Variants in KAT7 observed in about 807,000 individuals in gnomAD.
KAT7 encodes lysine acetyltransferase 7.
In KAT7, 10 loss-of-function variants were observed where a neutral mutation model predicts 82.1. The ratio of observed to expected loss-of-function variants is 0.12; its 90% confidence interval spans 0.08 to 0.21. The LOEUF is 0.21. Ranked by LOEUF, KAT7 falls within the 10% of genes least tolerant of loss-of-function variation. The pLI is 1.00. For synonymous variants in KAT7, 250 were observed against 262.5 expected, an observed-to-expected ratio of 0.95 and a Z score of 0.46; for missense variants, 378 against 760.9, an observed-to-expected ratio of 0.50 and a Z score of 5.92.
At chr17:49,811,634 T>G in intron 7 of KAT7, 60 bp downstream of exon 7, 1 of 858,680 alleles carries the variant, frequency 1.2e-6, no homozygotes, top group East Asian at 2.9e-5. Flanking sequence ...TGATTCCTTT[T>G]GCTTTCTGAG....
chr17:49,826,980 T>G, intron 14 of KAT7, 181 bp downstream of exon 14: 1 of 509,432 alleles, frequency 2.0e-6, no homozygotes, highest in Non-Finnish European at 3.6e-6. Flanking sequence ...TATCAGAAGG[T>G]TTTGATAAGC....
At chr17:49,807,190 C>G (rs2074102015) in intron 5 of KAT7, among the ~76,000 whole-genome samples, 1 of 152,072 alleles carries the variant, frequency 6.6e-6, no homozygotes, top group Non-Finnish European at 1.5e-5. Flanking sequence ...CATAAACCTT[C>G]AAATTAATAA....
In KAT7 at chr17:49,829,043, G is replaced by A. The variant is rs1380199483; in HGVS notation, c.*1541G>A. 6.6e-6 allele frequency: 1 copy of A among 152,614 alleles called. No individual in the cohort carries two copies. Among genetic ancestry groups the A allele is most frequent in the African/African-American group, 2.4e-5 (1 of 41,430 alleles). The allele number at this position is 152,614 out of a possible 1,614,324, so 9.5% of individuals were successfully genotyped here. A position where few individuals can be genotyped will look rare whatever the true frequency, so the allele number is the denominator to read the frequency against. On this transcript the variant is annotated 3_prime_UTR_variant, in exon 15 of 15. Coordinates refer to ENST00000259021, the MANE Select transcript of KAT7 (RefSeq NM_007067.5). ...AGAAGCTAAACCCTTCCCCACATGT[G>A]GTAGAATGTGCTCTTCTATATCTAC...
intron 4 of KAT7, among the ~76,000 whole-genome samples, chr17:49,801,291 C>T (rs1014531408): frequency 1.3e-5 from 2 of 152,152 alleles, no homozygotes; most frequent in Non-Finnish European, 1.5e-5. Flanking sequence ...TCAAGTGATT[C>T]TCATGCGTCA....
chr17:49,825,848 C>G (rs1403405885), intron 12 of KAT7, 152 bp from the exon 13 acceptor site: 1 of 712,872 alleles, frequency 1.4e-6, no homozygotes, highest in African/African-American at 1.8e-5. Context: ...AGGCAGTATA[C>G]TATAGTTAAC....
chr17:49,814,393 C>A (rs1217900216), intron 7 of KAT7, among the ~76,000 whole-genome samples: 1 of 152,140 alleles, frequency 6.6e-6, no homozygotes, highest in African/African-American at 2.4e-5. Context: ...TTCACTGTTT[C>A]CATCTGCAAA....
chr17:49,809,095 T>C, intron 5 of KAT7, 24 bp from the exon 6 acceptor site: 1 of 1,590,268 alleles, frequency 6.3e-7, no homozygotes, highest in Non-Finnish European at 8.6e-7. Flanking sequence ...CAGGTGGATT[T>C]ATTGACGTTG....
intron 13 of KAT7, 105 bp from the exon 14 acceptor site, chr17:49,826,588 A>C (rs1041177004): frequency 1.3e-6 from 1 of 743,850 alleles, no homozygotes; most frequent in South Asian, 1.5e-5. Flanking sequence ...AGTACAGAAG[A>C]TTCTGTCCAT....
intron 8 of KAT7, 129 bp downstream of exon 8, chr17:49,816,042 C>T (rs2074229853): frequency 1.6e-6 from 1 of 609,164 alleles, no homozygotes; most frequent in Non-Finnish European, 2.9e-6. Flanking sequence ...TCCCTGTCTC[C>T]CAGCTGTCCC....
At chr17:49,788,957 C>A (rs1032077042) in intron 1 of KAT7, 108 bp downstream of exon 1, 10 of 1,073,076 alleles carry the variant, frequency 9.3e-6, no homozygotes, top group Non-Finnish European at 9.1e-6. Context: ...TTCCGCTCCC[C>A]CGAACCTTGT....
rs1336919990 is a variant in KAT7 at position 49,830,982 on chromosome 17, G to T, written c.*3480G>T. ...CCAAATTAACTCATTACAGTAAAAA[G>T]GACTGATTTTTAAGCCAGCTGTGAT... On this transcript the variant is annotated 3_prime_UTR_variant, in exon 15 of 15. Coordinates refer to ENST00000259021, the MANE Select transcript of KAT7 (RefSeq NM_007067.5). The T allele has an allele frequency of 6.6e-6, 1 of 152,030 alleles. No individual in the cohort carries two copies. Among genetic ancestry groups the T allele is most frequent in the Admixed American group, 6.6e-5 (1 of 15,250 alleles). The allele number at this position is 152,030 out of a possible 1,614,324, so 9.4% of individuals were successfully genotyped here.
chr17:49,804,161 C>T (rs193044558), intron 4 of KAT7, among the ~76,000 whole-genome samples: 84 of 152,132 alleles, frequency 5.5e-4, no homozygotes, highest in Middle Eastern at 6.8e-3. Context: ...GGGCAGATCA[C>T]GAGGTCAGGA....
intron 4 of KAT7, among the ~76,000 whole-genome samples, chr17:49,799,275 A>G (rs938066991): frequency 9.8e-5 from 15 of 152,302 alleles, no homozygotes; most frequent in South Asian, 2.1e-4. Context: ...TACTGGGTCT[A>G]CTTCTCAAAT....
chr17:49,805,300 A>G (rs1444710808), intron 4 of KAT7, 63 bp from the exon 5 acceptor site: 1 of 1,157,104 alleles, frequency 8.6e-7, no homozygotes. Flanking sequence ...TTTGTCTTAG[A>G]GAAACATACT....
rs1297985509 is a variant in KAT7 at position 49,832,825 on chromosome 17, ATG to A, written c.*5326_*5327del. On this transcript the variant is annotated 3_prime_UTR_variant, in exon 15 of 15. Coordinates refer to ENST00000259021, the MANE Select transcript of KAT7 (RefSeq NM_007067.5). ...GAAAACTACTTTGCTGAATGATAGT[ATG>A]TGATGTGTGCTAGGACTTCTAGAAG... The A allele has an allele frequency of 6.6e-6, 1 of 152,250 alleles. No homozygotes were observed. The highest frequency in any genetic ancestry group is 1.5e-5 in the Non-Finnish European group (1 of 68,058). The allele number at this position is 152,250 out of a possible 1,614,324, so 9.4% of individuals were successfully genotyped here. A position where few individuals can be genotyped will look rare whatever the true frequency, so the allele number is the denominator to read the frequency against.
chr17:49,814,167 CAG>C (rs2143939882), intron 7 of KAT7, among the ~76,000 whole-genome samples: 1 of 152,208 alleles, frequency 6.6e-6, no homozygotes, highest in East Asian at 1.9e-4. Context: ...GCTAGGATTA[CAG>C]GTGTGAGCCA....
chr17:49,794,387 G>C (rs1380407623), intron 2 of KAT7, among the ~76,000 whole-genome samples: 1 of 152,206 alleles, frequency 6.6e-6, no homozygotes, highest in East Asian at 1.9e-4. Context: ...CTGGGTTCAA[G>C]GAATTCTCCT....
intron 1 of KAT7, chr17:49,789,769 A>G (rs748457969): frequency 1.3e-5 from 2 of 152,232 alleles, no homozygotes; most frequent in South Asian, 2.1e-4. Context: ...GAAAACAGAC[A>G]TGAATAATCT....
intron 1 of KAT7, among the ~76,000 whole-genome samples, chr17:49,790,543 G>T (rs552237111): frequency 1.0e-3 from 158 of 152,252 alleles, no homozygotes; most frequent in African/African-American, 3.7e-3. Flanking sequence ...TAATATTGGT[G>T]CCTTGAAATA....
Sources: allele counts gnomAD v4.1 joint callset (sites outside exome capture counted in the v4.1 genomes callset), GRCh38; gene constraint gnomAD v4.1.1; transcripts MANE v1.5; gene names NCBI Gene and HGNC (gene_info 2026-07-23, HGNC 2026-07-21).